The following RANBP17 variants were observed in gnomAD, a reference collection of about 807,000 sequenced individuals.
The protein encoded by RANBP17 is RAN binding protein 17, also known as ran-binding protein 17.
RANBP17 carries 158 observed loss-of-function variants against 141.2 expected under a neutral mutation model. The ratio of observed to expected loss-of-function variants is 1.12; its 90% CI spans 0.98 to 1.28. RANBP17 has a LOEUF of 1.28. Among genes scored for constraint, RANBP17 ranks in the 50% most tolerant of loss-of-function variants. RANBP17 has a pLI of 0.00. For missense variants in RANBP17, 1,438 were observed against 1,290.7 expected (o/e 1.11, Z -1.75); for synonymous variants, 430 against 450.0 (o/e 0.96, Z 0.56).
intron 5 of RANBP17, chr5:170,896,860 T>A (rs1770169307): frequency 2.0e-6 from 1 of 503,004 alleles, no homozygotes; most frequent in Non-Finnish European, 3.7e-6. Context: ...AATACAGGCC[T>A]TTTGGGTTGC....
chr5:171,204,128 G>C (rs1024314918), intron 19 of RANBP17, among the ~76,000 whole-genome samples: 2 of 152,118 alleles, frequency 1.3e-5, no homozygotes, highest in Admixed American at 6.6e-5. Flanking sequence ...ATAAGAACTG[G>C]TGAGAGTATG....
intron 1 of RANBP17, 35 bp downstream of exon 1, chr5:170,862,086 C>A (rs1346113139): frequency 6.9e-7 from 1 of 1,441,416 alleles, no homozygotes; most frequent in Non-Finnish European, 9.1e-7. Flanking sequence ...CCGCGCTCCG[C>A]CACGCTGGGA....
chr5:170,862,234 C>T (rs1333449864), intron 1 of RANBP17, among the ~76,000 whole-genome samples, 183 bp downstream of exon 1: 2 of 152,162 alleles, frequency 1.3e-5, no homozygotes, highest in Non-Finnish European at 2.9e-5. Context: ...GGCTGCACAC[C>T]CCAGGCCCGG....
At chr5:171,114,390 C>G (rs1305804199) in intron 14 of RANBP17, among the ~76,000 whole-genome samples, 1 of 152,012 alleles carries the variant, frequency 6.6e-6, no homozygotes, top group Non-Finnish European at 1.5e-5. Flanking sequence ...TTCTTTGACC[C>G]TGTTTACCTG....
At chr5:170,867,898 T>A (rs2127309245) in intron 1 of RANBP17, among the ~76,000 whole-genome samples, 1 of 152,314 alleles carries the variant, frequency 6.6e-6, no homozygotes, top group African/African-American at 2.4e-5. Flanking sequence ...TGCCCCTTTG[T>A]AATCTCTGTT....
chr5:171,189,153 G>T (rs1235489505), intron 18 of RANBP17, among the ~76,000 whole-genome samples: 2 of 152,006 alleles, frequency 1.3e-5, no homozygotes, highest in Admixed American at 6.5e-5. Context: ...GGAAGTGCTT[G>T]GTGCATGGTA....
Position 171,299,748 on chromosome 5 carries a change from C to A in RANBP17, c.*890C>A, listed in dbSNP as rs768951229. 4.4e-6 allele frequency: 1 copy of A among 226,596 alleles called. No individual in the cohort carries two copies. Among genetic ancestry groups the A allele is most frequent in the Non-Finnish European group, 8.8e-6 (1 of 113,826 alleles). 14.0% of individuals were successfully genotyped at this position (226,596 alleles called of 1,614,324 possible). On this transcript the variant is annotated 3_prime_UTR_variant, in exon 28 of 28. Coordinates refer to ENST00000523189, the MANE Select transcript of RANBP17 (RefSeq NM_022897.5). ...AGGATGAGAAATAGCTGGTTTCCAA[C>A]TCTCCACAAAAACTCTTATTACTGT...
rs1288511684 is a variant in RANBP17, at chr5:170,924,463, G to T, written c.1381G>T (p.Val461Leu). 1.2e-6 allele frequency: 2 copies of T among 1,613,230 alleles called. No individual in the cohort carries two copies. The highest frequency in any genetic ancestry group is 1.7e-6 in the Non-Finnish European group (2 of 1,179,542). Reference sequence around the variant, plus strand: ...ATATGAAAAGACATGTGCTCTTCTTGTGCAGTTATTCGACCAAAATGCACA... The same window carrying T: ...ATATGAAAAGACATGTGCTCTTCTTTTGCAGTTATTCGACCAAAATGCACA... Reference protein sequence around the residue: ...CEYEKTCALLVQLFDQNAQNY... With the variant: ...CEYEKTCALLLQLFDQNAQNY... The change falls in exon 12 of 28, where the codon GTG (valine) becomes TTG (leucine). Residue 461 changes from valine to leucine, a missense_variant. Transcript: ENST00000523189.
intron 14 of RANBP17, among the ~76,000 whole-genome samples, chr5:171,166,573 A>T (rs1160150903): frequency 6.6e-6 from 1 of 152,094 alleles, no homozygotes; most frequent in Non-Finnish European, 1.5e-5. Context: ...AACTCTAAAT[A>T]CTGTGTTAGA....
At chr5:171,272,577 T>G (rs1381831445) in intron 25 of RANBP17, among the ~76,000 whole-genome samples, 1 of 152,150 alleles carries the variant, frequency 6.6e-6, no homozygotes, top group African/African-American at 2.4e-5. Context: ...GAACTAAAAT[T>G]TTAGCTGAAA....
chr5:170,895,028 G>T (rs1769992081), intron 4 of RANBP17, among the ~76,000 whole-genome samples: 1 of 152,128 alleles, frequency 6.6e-6, no homozygotes. Context: ...ATTGGTCAGG[G>T]TACCACACTT....
intron 14 of RANBP17, among the ~76,000 whole-genome samples, chr5:171,149,714 C>T (rs931038528): frequency 2.0e-5 from 3 of 152,116 alleles, no homozygotes; most frequent in Non-Finnish European, 4.4e-5. Context: ...GTTTTGTAAG[C>T]CAGGCCTTAA....
chr5:171,037,608 T>A (rs568023982), intron 14 of RANBP17, among the ~76,000 whole-genome samples: 4 of 152,268 alleles, frequency 2.6e-5, no homozygotes, highest in Non-Finnish European at 4.4e-5. Flanking sequence ...TCGAGTTAAT[T>A]TTTGTATATG....
intron 14 of RANBP17, among the ~76,000 whole-genome samples, chr5:170,974,961 T>G (rs764619956): frequency 6.6e-6 from 1 of 152,038 alleles, no homozygotes. Context: ...GCCCTTGCGC[T>G]CTGGGCCTGG....
intron 18 of RANBP17, among the ~76,000 whole-genome samples, 165 bp downstream of exon 18, chr5:171,183,595 A>G (rs1381054624): frequency 2.0e-5 from 3 of 152,254 alleles, no homozygotes; most frequent in Non-Finnish European, 4.4e-5. Context: ...TTAGCATTAG[A>G]GCCAAAAGAC....
At chr5:170,973,368 G>A (rs1000749357) in intron 14 of RANBP17, among the ~76,000 whole-genome samples, 2 of 152,072 alleles carry the variant, frequency 1.3e-5, no homozygotes, top group Admixed American at 6.5e-5. Flanking sequence ...AATATGAAAA[G>A]CAGAATACTA....
intron 11 of RANBP17, among the ~76,000 whole-genome samples, chr5:170,919,854 A>T (rs1772285509): frequency 6.6e-6 from 1 of 151,252 alleles, no homozygotes; most frequent in Non-Finnish European, 1.5e-5. Context: ...GCAGTTACTG[A>T]TCTGTTTTGT....
At chr5:171,221,401 A>C (rs1763546709) in intron 21 of RANBP17, among the ~76,000 whole-genome samples, 1 of 152,224 alleles carries the variant, frequency 6.6e-6, no homozygotes, top group Non-Finnish European at 1.5e-5. Context: ...TCATTATCCA[A>C]GTATTTGTCT....
intron 14 of RANBP17, among the ~76,000 whole-genome samples, chr5:171,026,463 C>CT (rs2127611381): frequency 6.6e-6 from 1 of 152,296 alleles, no homozygotes; most frequent in Non-Finnish European, 1.5e-5. Context: ...CCTGCAATTT[C>CT]TAATTTTATC....
Sources: allele counts gnomAD v4.1 joint callset (sites outside exome capture counted in the v4.1 genomes callset), GRCh38; gene constraint gnomAD v4.1.1; transcripts MANE v1.5; gene names NCBI Gene and HGNC (gene_info 2026-07-23, HGNC 2026-07-21).